Variants in BSCL2 observed in about 807,000 individuals in gnomAD.
BSCL2 encodes the protein BSCL2 lipid droplet biogenesis associated, seipin.
BSCL2 carries 41 observed loss-of-function variants against 57.4 expected under a neutral mutation model. The observed-to-expected ratio is 0.71, with a 90% CI of 0.56 to 0.93. The LOEUF is 0.93. Among genes scored for constraint, BSCL2 ranks in the 40% least tolerant of loss-of-function variants. The pLI, the probability that BSCL2 is intolerant of heterozygous loss-of-function variation, is 0.00. For synonymous variants in BSCL2, 237 were observed against 227.3 expected (o/e 1.04, Z -0.38); for missense variants, 539 against 586.7 (o/e 0.92, Z 0.84).
chr11:62,709,067 C>T (rs1038914412), upstream of BSCL2: 8 of 499,546 alleles, frequency 1.6e-5, no homozygotes, highest in Admixed American at 2.1e-4. Flanking sequence ...CAGACTCTGC[C>T]AGCGCGTCCT....
intron 4 of BSCL2, among the ~76,000 whole-genome samples, chr11:62,693,510 C>CA (rs1366851291): frequency 6.6e-6 from 1 of 151,952 alleles, no homozygotes. Flanking sequence ...GTCTCAAAAA[C>CA]AAAAAAACAT....
intron 2 of BSCL2, among the ~76,000 whole-genome samples, chr11:62,702,957 C>A (rs1945689131): frequency 6.6e-6 from 1 of 152,012 alleles, no homozygotes; most frequent in Non-Finnish European, 1.5e-5. Context: ...TTAAGACCAG[C>A]CTGACCAACA....
At chr11:62,707,486 C>T (rs190405606), upstream of BSCL2, 137 of 652,116 alleles carry the variant, frequency 2.1e-4, 1 homozygote, top group East Asian at 2.5e-3. Flanking sequence ...GCCCAGACCA[C>T]GCCATTTGAG....
chr11:62,697,500 G>C (rs973099201), intron 3 of BSCL2: 1 of 141,648 alleles, frequency 7.1e-6, no homozygotes, highest in African/African-American at 2.6e-5. Flanking sequence ...TAAAAGATCC[G>C]CTTTGGGCCC....
intron 2 of BSCL2, 57 bp downstream of exon 2, chr11:62,705,244 C>G: frequency 2.0e-6 from 3 of 1,503,952 alleles, no homozygotes; most frequent in Non-Finnish European, 1.8e-6. Context: ...TGAATGAACT[C>G]CAAGGGCCTT....
intron 3 of BSCL2, among the ~76,000 whole-genome samples, chr11:62,698,431 CAG>C (rs1190766234): frequency 1.7e-4 from 26 of 151,258 alleles, no homozygotes; most frequent in South Asian, 6.3e-4. Context: ...ACCCTGACCT[CAG>C]GTGATCCACC....
In BSCL2 at chr11:62,690,395, C is replaced by T. The variant is rs143017094; in HGVS notation, c.1361G>A (p.Arg454Gln). Residue 454 changes from arginine to glutamine, a missense_variant, in exon 11 of 11, where the codon CGA (arginine) becomes CAA (glutamine). By Grantham distance (43) the Arg-to-Gln change is conservative. Transcript: ENST00000360796. ...GSSEPAGGAL[R>Q]QRPTCSSS ...GGAACTAGAGCAGGTGGGGCGCTGT[C>T]GGAGAGCACCCCCAGCAGGTTCAGA... 13 of 1,613,964 alleles carry T rather than the reference C, an allele frequency of 8.1e-6. No individual in the cohort carries two copies. The highest frequency in any genetic ancestry group is 2.7e-5 in the African/African-American group (2 of 74,902).
At chr11:62,699,347 G>A (rs1321781960) in intron 3 of BSCL2, among the ~76,000 whole-genome samples, 4 of 151,172 alleles carry the variant, frequency 2.6e-5, no homozygotes, top group African/African-American at 4.9e-5. Flanking sequence ...ACAGGCCTGC[G>A]CCACCACACC....
upstream of BSCL2, chr11:62,708,956 C>T (rs2134754218): frequency 4.4e-6 from 3 of 685,612 alleles, no homozygotes; most frequent in East Asian, 7.6e-5. Flanking sequence ...AAGGCCCACC[C>T]TCACCTATCT....
chr11:62,692,737 G>C lies in BSCL2; in HGVS notation c.691C>G (p.Leu231Val). 1 of 1,614,132 alleles carries C rather than the reference G, an allele frequency of 6.2e-7. No homozygotes were observed. Among genetic ancestry groups the C allele is most frequent in the Middle Eastern group, 1.7e-4 (1 of 6,054 alleles). The change falls in exon 5 of 11, where the codon CTC becomes GTC. Residue 231 changes from leucine (L) to valine (V), a missense_variant. Physicochemically the swap from Leu to Val is conservative, Grantham distance 32 (BLOSUM62 1). This residue lies in a region of BSCL2 where 73 missense variants were observed against 122.0 expected (regional missense o/e 0.60). Transcript: ENST00000360796. ...TGCTCTGCAAAGCCAAATAGCAGGA[G>C]GCTAGAGAAGACCAGTGTGTCCAGC... ...QMLDTLVFSS[L>V]LLFGFAEQKQ...
chr11:62,708,779 G>A (rs1476866920), upstream of BSCL2: 3 of 1,613,976 alleles, frequency 1.9e-6, no homozygotes, highest in Middle Eastern at 1.6e-4. Context: ...CCTTCCGGGA[G>A]AAGAAGTTCT....
At chr11:62,691,774 G>A (rs1945315926) in intron 6 of BSCL2, among the ~76,000 whole-genome samples, 1 of 152,210 alleles carries the variant, frequency 6.6e-6, no homozygotes, top group African/African-American at 2.4e-5. Context: ...TCACAGGCCG[G>A]ACGCGGTGGC....
chr11:62,695,758 C>T (rs1192895146), intron 3 of BSCL2, among the ~76,000 whole-genome samples: 7 of 151,616 alleles, frequency 4.6e-5, no homozygotes, highest in African/African-American at 1.5e-4. Context: ...ACTTCCCTAG[C>T]CCATAGTGAA....
intron 9 of BSCL2, 40 bp from the exon 10 acceptor site, chr11:62,690,732 C>T (rs768368743): frequency 6.2e-7 from 1 of 1,613,804 alleles, no homozygotes; most frequent in South Asian, 1.1e-5. Flanking sequence ...GACCCAGACA[C>T]TGAAGGAGAA....
intron 4 of BSCL2, among the ~76,000 whole-genome samples, 157 bp from the exon 5 acceptor site, chr11:62,692,954 A>G (rs1300443431): frequency 2.0e-5 from 3 of 151,836 alleles, no homozygotes; most frequent in East Asian, 3.9e-4. Context: ...GTCTCATCCA[A>G]CCATTCCAAT....
chr11:62,701,315 T>A (rs1368733112), intron 3 of BSCL2, among the ~76,000 whole-genome samples: 2 of 152,206 alleles, frequency 1.3e-5, no homozygotes, highest in Admixed American at 1.3e-4. Flanking sequence ...CAGTTTATGA[T>A]GGGGTTACAT....
At chr11:62,691,846 T>C (rs537787187) in intron 6 of BSCL2, among the ~76,000 whole-genome samples, 14 of 152,200 alleles carry the variant, frequency 9.2e-5, no homozygotes, top group East Asian at 5.8e-4. Flanking sequence ...GTCAGGAGAT[T>C]GAGACCATCC....
chr11:62,701,248 T>A (rs984621354), intron 3 of BSCL2, among the ~76,000 whole-genome samples: 1 of 152,196 alleles, frequency 6.6e-6, no homozygotes, highest in Non-Finnish European at 1.5e-5. Flanking sequence ...CTAGCAGATA[T>A]TGCTCACTTT....
rs1945283531 is a variant in BSCL2 at position 62,690,667 on chromosome 11, T to A, written c.1179A>T (p.Lys393Asn). 1 of 1,613,854 alleles carries A rather than the reference T, an allele frequency of 6.2e-7. No individual in the cohort carries two copies. The highest frequency in any genetic ancestry group is 8.5e-7 in the Non-Finnish European group (1 of 1,180,002). Residue 393 changes from lysine to asparagine, a missense_variant, in exon 10 of 11, where the codon AAA becomes AAT. Lys to Asn is a moderately conservative substitution (Grantham distance 94). Coordinates refer to ENST00000360796, the MANE Select transcript of BSCL2 (RefSeq NM_001122955.4). ...CTCCGCTCAGGGGCTGCTGATCTGGTTTCTCCTCCTCGGACAGCTGACCCT... is the reference window on the plus strand; with the variant it reads ...CTCCGCTCAGGGGCTGCTGATCTGGATTCTCCTCCTCGGACAGCTGACCCT... ...GTEGQLSEEE[K>N]PDQQPLSGEE...
Sources: allele counts gnomAD v4.1 joint callset (sites outside exome capture counted in the v4.1 genomes callset), GRCh38; gene constraint gnomAD v4.1.1; regional missense constraint gnomAD v4.1.1; transcripts MANE v1.5; gene names NCBI Gene and HGNC (gene_info 2026-07-23, HGNC 2026-07-21).